NDUFA8: variants seen among roughly 807,000 people sequenced by gnomAD.
NDUFA8 encodes the protein NADH:ubiquinone oxidoreductase subunit A8.
A neutral mutation model predicts 20.9 loss-of-function variants in NDUFA8; 16 were observed. The observed-to-expected ratio is 0.77, with a 90% CI of 0.52 to 1.16. The LOEUF is 1.16. NDUFA8 is among the 50% of genes most tolerant of loss of function. NDUFA8 has a pLI of 0.00. For synonymous variants in NDUFA8, 70 were observed against 76.1 expected, an observed-to-expected ratio of 0.92 and a Z score of 0.41; for missense variants, 202 against 216.4, an observed-to-expected ratio of 0.93 and a Z score of 0.42.
intron 2 of NDUFA8, among the ~76,000 whole-genome samples, chr9:122,148,676 G>A (rs1327736478): frequency 1.3e-5 from 2 of 152,032 alleles, no homozygotes; most frequent in Non-Finnish European, 2.9e-5. Flanking sequence ...GAAGTCAAAC[G>A]TGACAGACAA....
At chr9:122,156,603 ACTG>A (rs1161520624) in intron 1 of NDUFA8, among the ~76,000 whole-genome samples, 1 of 152,208 alleles carries the variant, frequency 6.6e-6, no homozygotes, top group African/African-American at 2.4e-5. Context: ...AAAGCTTCTG[ACTG>A]CTTTTTCAAT....
intron 3 of NDUFA8, 29 bp from the exon 4 acceptor site, chr9:122,144,407 A>T: frequency 6.2e-7 from 1 of 1,603,708 alleles, no homozygotes; most frequent in Non-Finnish European, 8.5e-7. Flanking sequence ...GCAAAAGCAA[A>T]GTTGAAAGCT....
chr9:122,154,704 C>T (rs1187413847), intron 1 of NDUFA8, among the ~76,000 whole-genome samples: 1 of 152,132 alleles, frequency 6.6e-6, no homozygotes, highest in Non-Finnish European at 1.5e-5. Flanking sequence ...CCCTTCAGGA[C>T]AATACAGACG....
chr9:122,144,195 A>G lies in NDUFA8; in HGVS notation c.*46T>C. Reference sequence around the variant, plus strand: ...TGCAAACCGCATGGGCGTTTTCATCAGTCGTTGTCTGAGCACATGACCGAG... The same window carrying G: ...TGCAAACCGCATGGGCGTTTTCATCGGTCGTTGTCTGAGCACATGACCGAG... On this transcript the variant is annotated 3_prime_UTR_variant, in exon 4 of 4. Coordinates refer to ENST00000373768, the MANE Select transcript of NDUFA8 (RefSeq NM_014222.3). 4 of 1,612,492 alleles carry G rather than the reference A, an allele frequency of 2.5e-6. No individual in the cohort carries two copies. The highest frequency in any genetic ancestry group is 3.4e-6 in the Non-Finnish European group (4 of 1,179,898).
intron 2 of NDUFA8, among the ~76,000 whole-genome samples, chr9:122,151,324 C>A (rs917909926): frequency 6.6e-6 from 1 of 152,208 alleles, no homozygotes; most frequent in African/African-American, 2.4e-5. Flanking sequence ...AAGTCCACTC[C>A]CCATCTCAGG....
intron 3 of NDUFA8, 44 bp downstream of exon 3, chr9:122,148,068 A>C (rs1461851822): frequency 1.2e-6 from 2 of 1,612,278 alleles, no homozygotes; most frequent in Non-Finnish European, 1.7e-6. Flanking sequence ...CCTTTATCCC[A>C]CCCCTGAATC....
chr9:122,136,927 C>T, the NDUFA8 span, among the ~76,000 whole-genome samples: 1 of 152,100 alleles, frequency 6.6e-6, no homozygotes, highest in Admixed American at 6.6e-5. Flanking sequence ...TTTTTGATCC[C>T]ACTCCTGCCC....
chr9:122,155,112 G>A (rs1475578927), intron 1 of NDUFA8, among the ~76,000 whole-genome samples: 1 of 152,010 alleles, frequency 6.6e-6, no homozygotes, highest in Non-Finnish European at 1.5e-5. Context: ...ACCGAGTTTC[G>A]CTCTTGTCCA....
At chr9:122,154,120 G>A (rs1421106764) in intron 1 of NDUFA8, among the ~76,000 whole-genome samples, 1 of 152,200 alleles carries the variant, frequency 6.6e-6, no homozygotes, top group Non-Finnish European at 1.5e-5. Flanking sequence ...CTCCCAGAGG[G>A]AAGGGATTTT....
At chr9:122,158,897 C>T (rs931642651) in intron 1 of NDUFA8, among the ~76,000 whole-genome samples, 7 of 151,876 alleles carry the variant, frequency 4.6e-5, no homozygotes, top group South Asian at 4.1e-4. Context: ...TGCCTGGTAT[C>T]TAGAAAGGAC....
chr9:122,139,380 C>T (rs566268739), downstream of NDUFA8, among the ~76,000 whole-genome samples: 4 of 152,106 alleles, frequency 2.6e-5, no homozygotes, highest in African/African-American at 9.7e-5. Context: ...TTATATTAAC[C>T]CTGTTTGGTT....
Position 122,148,158 on chromosome 9 carries a change from A to G in NDUFA8, c.335T>C (p.Leu112Pro). Residue 112 changes from leucine to proline, a missense_variant, in exon 3 of 4, where the codon CTG becomes CCG. Physicochemically the swap from Leu to Pro is moderately conservative, Grantham distance 98 (BLOSUM62 -3). Coordinates refer to ENST00000373768, the MANE Select transcript of NDUFA8 (RefSeq NM_014222.3). ...AGGCCGCACCCAGCCCAGTTTGTCC[A>G]GCACACACTCGTCAAACTTTGCCTG... is the stretch of plus-strand genomic sequence containing the variant. ...KQQAKFDECV[L>P]DKLGWVRPDL... 6.2e-7 allele frequency: 1 copy of G among 1,614,206 alleles called. No homozygotes were observed. The highest frequency in any genetic ancestry group is 8.5e-7 in the Non-Finnish European group (1 of 1,180,038).
chr9:122,149,347 C>T (rs1828955957), intron 2 of NDUFA8, among the ~76,000 whole-genome samples: 1 of 152,210 alleles, frequency 6.6e-6, no homozygotes, highest in African/African-American at 2.4e-5. Flanking sequence ...CTAAGCATAA[C>T]CTGCACCCAC....
chr9:122,152,379 A>C lies in NDUFA8; in HGVS notation c.81T>G (p.Ala27=). The change falls in exon 2 of 4, where the codon GCT becomes GCG. Residue 27 remains alanine, a synonymous_variant. Coordinates refer to ENST00000373768, the MANE Select transcript of NDUFA8 (RefSeq NM_014222.3). ...EVKISSAVLK[A]AAHHYGAQCD... is the part of the protein sequence containing the mutation. ...ATTGAGCTCCATAGTGATGGGCCGC[A>C]GCTTTAAGCACAGCAGAACTAATTT... 6.2e-7 allele frequency: 1 copy of C among 1,614,136 alleles called. No individual in the cohort carries two copies. The highest frequency in any genetic ancestry group is 1.1e-5 in the South Asian group (1 of 91,080).
chr9:122,134,426 C>T, the NDUFA8 span, among the ~76,000 whole-genome samples: 1 of 152,142 alleles, frequency 6.6e-6, no homozygotes. Context: ...AACAGGAACG[C>T]CTATTTCATG....
chr9:122,150,410 C>CAAAAAAAAAAAAAAAAAAA (rs60728190), intron 2 of NDUFA8, among the ~76,000 whole-genome samples: 1 of 19,654 alleles, frequency 5.1e-5, no homozygotes, highest in Non-Finnish European at 1.4e-4. Context: ...CACCCCATCA[C>CAAAAAAAAAAAAAAAAAAA]AAAAAAAAAA....
intron 1 of NDUFA8, among the ~76,000 whole-genome samples, chr9:122,159,044 T>C (rs1829130249): frequency 6.6e-6 from 1 of 152,124 alleles, no homozygotes; most frequent in Non-Finnish European, 1.5e-5. Flanking sequence ...ACGAAGTATA[T>C]CTCTTCCAGC....
chr9:122,150,485 T>C (rs1251263615), intron 2 of NDUFA8, among the ~76,000 whole-genome samples: 1 of 139,474 alleles, frequency 7.2e-6, no homozygotes, highest in Non-Finnish European at 1.5e-5. Context: ...CTTTATAGAG[T>C]AAACTCACTG....
At chr9:122,152,544 T>A in intron 1 of NDUFA8, 136 bp from the exon 2 acceptor site, 1 of 734,834 alleles carries the variant, frequency 1.4e-6, no homozygotes, top group Admixed American at 3.1e-5. Context: ...TTAAACACTG[T>A]CATAATAATA....
Sources: gnomAD v4.1 joint callset for allele counts (sites outside exome capture counted in the v4.1 genomes callset) on GRCh38, gnomAD v4.1.1 for gene constraint, MANE v1.5 for transcripts, NCBI Gene and HGNC (gene_info 2026-07-23, HGNC 2026-07-21) for gene names.